Variants in PAFAH1B1 observed in about 807,000 individuals in gnomAD.
PAFAH1B1 encodes the protein platelet activating factor acetylhydrolase 1b regulatory subunit 1, also known as platelet-activating factor acetylhydrolase IB subunit beta.
Under a neutral mutation model 57.5 loss-of-function variants are expected in PAFAH1B1, and 2 were observed. That is an observed-to-expected ratio of 0.03 (90% CI 0.01 to 0.11). The LOEUF (loss-of-function observed/expected upper bound fraction) is 0.11, where lower values mean the gene tolerates loss of function less well. Among genes scored for constraint, PAFAH1B1 ranks in the 10% least tolerant of loss-of-function variants. The pLI is 1.00. For missense variants in PAFAH1B1, 257 were observed against 512.0 expected (o/e 0.50, Z 4.81); for synonymous variants, 152 against 169.6 (o/e 0.90, Z 0.81).
intron 2 of PAFAH1B1, among the ~76,000 whole-genome samples, chr17:2,654,339 A>C (rs2068908626): frequency 1.3e-5 from 2 of 151,314 alleles, no homozygotes; most frequent in Non-Finnish European, 2.9e-5. Flanking sequence ...ACAGGCACGC[A>C]CCATCACTCC....
chr17:2,604,131 A>C (rs2068177568), intron 1 of PAFAH1B1, among the ~76,000 whole-genome samples: 1 of 151,716 alleles, frequency 6.6e-6, no homozygotes, highest in Non-Finnish European at 1.5e-5. Flanking sequence ...TCCACCTCCC[A>C]GGTTCAAGAG....
At chr17:2,649,919 A>G (rs2068825806) in intron 2 of PAFAH1B1, among the ~76,000 whole-genome samples, 2 of 152,224 alleles carry the variant, frequency 1.3e-5, no homozygotes, top group African/African-American at 4.8e-5. Flanking sequence ...AGCATGGGAT[A>G]AGGTGGTATT....
chr17:2,604,433 C>A (rs1567523768), intron 1 of PAFAH1B1, among the ~76,000 whole-genome samples: 1 of 152,154 alleles, frequency 6.6e-6, no homozygotes, highest in Non-Finnish European at 1.5e-5. Flanking sequence ...TGTATGTGAC[C>A]TGTGTCATTT....
At chr17:2,662,697 G>A (rs1376097709) in intron 2 of PAFAH1B1, among the ~76,000 whole-genome samples, 2 of 151,984 alleles carry the variant, frequency 1.3e-5, no homozygotes, top group East Asian at 1.9e-4. Flanking sequence ...AGGCCACTGC[G>A]CCCAGCCTTC....
intron 1 of PAFAH1B1, among the ~76,000 whole-genome samples, chr17:2,630,749 C>A (rs1336353815): frequency 6.6e-6 from 1 of 152,118 alleles, no homozygotes; most frequent in Admixed American, 6.5e-5. Context: ...ACTGATTATT[C>A]TTAGGTTTGG....
chr17:2,680,101 T>C, intron 9 of PAFAH1B1, 63 bp from the exon 10 acceptor site: 1 of 1,394,054 alleles, frequency 7.2e-7, no homozygotes, highest in South Asian at 1.2e-5. Context: ...TATCGTATTA[T>C]GAAATAGATG....
chr17:2,684,381 G>A lies in PAFAH1B1; in HGVS notation c.*2579G>A, dbSNP rs1163051829. ...TTGCCTGGGATAAGGACAATGATGA[G>A]GTTACTGGTTTGGATTGTAAGTAGA... is the stretch of plus-strand genomic sequence containing the variant. On this transcript the variant is annotated 3_prime_UTR_variant, in exon 11 of 11. Transcript: ENST00000397195. 1.3e-5 allele frequency: 2 copies of A among 152,652 alleles called. No individual in the cohort carries two copies. Among genetic ancestry groups the A allele is most frequent in the Non-Finnish European group, 2.9e-5 (2 of 68,076 alleles). The allele number at this position is 152,652 out of a possible 1,614,324, so 9.5% of individuals were successfully genotyped here.
At chr17:2,596,714 A>T (rs2068087305) in intron 1 of PAFAH1B1, among the ~76,000 whole-genome samples, 1 of 152,160 alleles carries the variant, frequency 6.6e-6, no homozygotes, top group Non-Finnish European at 1.5e-5. Flanking sequence ...ATGATAATTC[A>T]CTGTATTATG....
chr17:2,632,835 A>G (rs2068572539), intron 1 of PAFAH1B1, among the ~76,000 whole-genome samples: 2 of 152,220 alleles, frequency 1.3e-5, no homozygotes, highest in African/African-American at 4.8e-5. Flanking sequence ...GCAACCTCGG[A>G]TACCAAAATC....
chr17:2,620,706 A>G (rs936195250), intron 1 of PAFAH1B1, among the ~76,000 whole-genome samples: 2 of 152,126 alleles, frequency 1.3e-5, no homozygotes, highest in African/African-American at 2.4e-5. Flanking sequence ...TACTAAAAAT[A>G]CAAAAATTAG....
At chr17:2,618,950 G>A (rs1207918771) in intron 1 of PAFAH1B1, among the ~76,000 whole-genome samples, 2 of 89,988 alleles carry the variant, frequency 2.2e-5, no homozygotes, top group African/African-American at 1.1e-4. Flanking sequence ...GTGAGACTCC[G>A]TCTCAAAAAA....
rs11871331 is a variant in PAFAH1B1 at position 2,668,096 on chromosome 17, G to A, written c.399+898G>A. ...TCCCAGCACTTTGGGAGGCCGAGGC[G>A]GGTGGATTGCCTGAGCTCAGGAGTT... On this transcript the variant is annotated intron_variant, in intron 5 of 10. Coordinates refer to ENST00000397195, the MANE Select transcript of PAFAH1B1 (RefSeq NM_000430.4). 4.5e-3 allele frequency among the ~76,000 whole-genome samples: 684 copies of A among 151,992 alleles called. 5 individuals carry two copies. The highest frequency in any genetic ancestry group is 7.9e-3 in the Non-Finnish European group (535 of 68,008).
chr17:2,645,018 G>A (rs1361883789), intron 2 of PAFAH1B1, among the ~76,000 whole-genome samples: 1 of 152,060 alleles, frequency 6.6e-6, no homozygotes, highest in Non-Finnish European at 1.5e-5. Flanking sequence ...AGGCCGAAGT[G>A]AGAGAATGGC....
intron 2 of PAFAH1B1, among the ~76,000 whole-genome samples, chr17:2,652,278 G>C (rs1235956767): frequency 6.6e-6 from 1 of 151,888 alleles, no homozygotes; most frequent in Non-Finnish European, 1.5e-5. Flanking sequence ...GGCCGGGCGT[G>C]GTGGCGGGTG....
At chr17:2,595,544 TAAA>T in intron 1 of PAFAH1B1, among the ~76,000 whole-genome samples, 1 of 152,228 alleles carries the variant, frequency 6.6e-6, no homozygotes, top group Middle Eastern at 3.4e-3. Flanking sequence ...AGCTTTTACT[TAAA>T]AAATTCTGAT....
chr17:2,597,403 C>CTTTT (rs1187594089), intron 1 of PAFAH1B1, among the ~76,000 whole-genome samples: 887 of 64,378 alleles, frequency 0.014, 88 homozygotes, highest in Non-Finnish European at 0.017. Context: ...ACATCCGTGT[C>CTTTT]TTTTTTTTTT....
intron 1 of PAFAH1B1, among the ~76,000 whole-genome samples, chr17:2,626,361 C>A (rs2068490135): frequency 6.6e-6 from 1 of 151,994 alleles, no homozygotes; most frequent in African/African-American, 2.4e-5. Context: ...AGTATGATAA[C>A]TCAATCATAT....
intron 2 of PAFAH1B1, among the ~76,000 whole-genome samples, chr17:2,652,073 C>T (rs2068858500): frequency 1.3e-5 from 2 of 152,116 alleles, no homozygotes; most frequent in Admixed American, 1.3e-4. Flanking sequence ...AATTATATAG[C>T]TTGTATCCTT....
Position 2,676,616 on chromosome 17 carries a change from C to G in PAFAH1B1, c.1002+10C>G. ...GTGCCTTATGACCCTCGTAAGTTTGCATAATCTTACCATTTCTTTTGCATC... is the reference window on the plus strand; with the variant it reads ...GTGCCTTATGACCCTCGTAAGTTTGGATAATCTTACCATTTCTTTTGCATC... On this transcript the variant is annotated intron_variant, in intron 9 of 10. Coordinates refer to ENST00000397195, the MANE Select transcript of PAFAH1B1 (RefSeq NM_000430.4). The G allele has an allele frequency of 1.4e-6, 2 of 1,471,066 alleles. No homozygotes were observed. The highest frequency in any genetic ancestry group is 1.9e-6 in the Non-Finnish European group (2 of 1,049,498). 91.1% of individuals were successfully genotyped at this position (1,471,066 alleles called of 1,614,324 possible).
Sources: gnomAD v4.1 joint callset for allele counts (sites outside exome capture counted in the v4.1 genomes callset) on GRCh38, gnomAD v4.1.1 for gene constraint, MANE v1.5 for transcripts, NCBI Gene and HGNC (gene_info 2026-07-23, HGNC 2026-07-21) for gene names.